The following PKD1L1 variants were observed in gnomAD, a reference collection of about 807,000 sequenced individuals.
The protein encoded by PKD1L1 is polycystin-1-like protein 1.
Under a neutral mutation model 323.4 loss-of-function variants are expected in PKD1L1, and 236 were observed. The observed-to-expected ratio is 0.73, with a 90% CI of 0.66 to 0.81. The LOEUF (loss-of-function observed/expected upper bound fraction) is 0.81. Ranked by LOEUF, PKD1L1 falls within the 40% of genes least tolerant of loss-of-function variation. The pLI is 0.00. For missense variants in PKD1L1, 3,320 were observed against 3,508.0 expected, an observed-to-expected ratio of 0.95 and a Z score of 1.35; for synonymous variants, 1,344 against 1,335.0, an observed-to-expected ratio of 1.01 and a Z score of -0.15.
At chr7:47,872,245 C>A (rs972929003) in intron 24 of PKD1L1, among the ~76,000 whole-genome samples, 1 of 152,164 alleles carries the variant, frequency 6.6e-6, no homozygotes, top group Non-Finnish European at 1.5e-5. Flanking sequence ...GGCACCAAAG[C>A]CATTGTCCCA....
intron 9 of PKD1L1, among the ~76,000 whole-genome samples, chr7:47,906,688 T>C (rs934477668): frequency 3.3e-5 from 5 of 152,170 alleles, no homozygotes; most frequent in Admixed American, 2.0e-4. Flanking sequence ...CTACTGTTCT[T>C]CTGCATAATT....
At chr7:47,862,319 G>C (rs555742036) in intron 26 of PKD1L1, among the ~76,000 whole-genome samples, 1 of 152,284 alleles carries the variant, frequency 6.6e-6, no homozygotes, top group Admixed American at 6.5e-5. Flanking sequence ...AGAGGTGAAT[G>C]ATGATGCCCT....
intron 12 of PKD1L1, among the ~76,000 whole-genome samples, chr7:47,903,140 G>T (rs1787127770): frequency 6.6e-6 from 1 of 152,164 alleles, no homozygotes; most frequent in Non-Finnish European, 1.5e-5. Context: ...TGGTTATTTT[G>T]CAAATGTTGC....
chr7:47,834,485 A>G, intron 39 of PKD1L1, 100 bp from the exon 40 acceptor site: 2 of 952,376 alleles, frequency 2.1e-6, no homozygotes, highest in Non-Finnish European at 3.3e-6. Flanking sequence ...TTTCTTCAGC[A>G]AATACTCTTC....
intron 8 of PKD1L1, among the ~76,000 whole-genome samples, chr7:47,911,671 T>C (rs181193681): frequency 4.5e-4 from 69 of 151,718 alleles, no homozygotes; most frequent in Non-Finnish European, 6.6e-4. Context: ...AACTAGGAGG[T>C]AGCTAGCATG....
At chr7:47,880,427 A>G (rs113469206) in intron 21 of PKD1L1, among the ~76,000 whole-genome samples, 50,372 of 144,598 alleles carry the variant, frequency 0.35, 10,182 homozygotes, top group African/African-American at 0.54. Context: ...GATTACAGGC[A>G]CCCGCCACCA....
intron 2 of PKD1L1, 102 bp from the exon 3 acceptor site, chr7:47,940,419 C>T: frequency 8.0e-7 from 1 of 1,244,456 alleles, no homozygotes; most frequent in Non-Finnish European, 1.1e-6. Context: ...AGGTCAAAGC[C>T]ACCTGGGCCT....
chr7:47,806,285 A>G (rs1032906322), intron 52 of PKD1L1, among the ~76,000 whole-genome samples: 1 of 152,346 alleles, frequency 6.6e-6, no homozygotes, highest in Admixed American at 6.5e-5. Context: ...CTGCTGGCCA[A>G]TCAGTGACTA....
intron 54 of PKD1L1, among the ~76,000 whole-genome samples, chr7:47,799,356 A>G (rs1289056168): frequency 1.3e-5 from 2 of 152,210 alleles, no homozygotes; most frequent in African/African-American, 2.4e-5. Flanking sequence ...AACATGAGCA[A>G]TCACTTTTAG....
rs1785635949 is a variant in PKD1L1, at chr7:47,845,048, T to C, written c.5184A>G (p.Leu1728=). Residue 1728 remains leucine (L), a synonymous_variant, in exon 33 of 57, where the codon CTA becomes CTG. Transcript: ENST00000289672. ...CAAAACTGGCCTTCAGCTTTCTCCTTAGGAGAGCGAATGCCGCGAGGCGAT... is the reference window on the plus strand; with the variant it reads ...CAAAACTGGCCTTCAGCTTTCTCCTCAGGAGAGCGAATGCCGCGAGGCGAT... ...SYHRLAAFAL[L]RRKLKASFEV... 1 of 1,613,884 alleles carries C rather than the reference T, an allele frequency of 6.2e-7. No individual in the cohort carries two copies. Among genetic ancestry groups the C allele is most frequent in the Non-Finnish European group, 8.5e-7 (1 of 1,179,932 alleles).
chr7:47,827,620 A>G lies in PKD1L1; in HGVS notation c.6736-152T>C. The G allele has an allele frequency of 8.1e-6, 5 of 620,296 alleles. No individual in the cohort carries two copies. The South Asian group carries it at 1.3e-4, about 16-fold the overall frequency. The allele number at this position is 620,296 out of a possible 1,614,324, so 38.4% of individuals were successfully genotyped here. On this transcript the variant is annotated intron_variant, in intron 44 of 56. Coordinates refer to ENST00000289672, the MANE Select transcript of PKD1L1 (RefSeq NM_138295.5). ...AAGAGGTACTTTGTATGGATAACAT[A>G]GACCAGGTTGTTGGGGAAGGGATCA...
intron 24 of PKD1L1, among the ~76,000 whole-genome samples, chr7:47,872,450 T>A (rs1025825465): frequency 6.6e-6 from 1 of 152,182 alleles, no homozygotes; most frequent in African/African-American, 2.4e-5. Context: ...ACATTCAGAC[T>A]AATGGAATAG....
In PKD1L1 at chr7:47,877,543, G is replaced by C; in HGVS notation, c.3609C>G (p.His1203Gln). ...AGACGGTGTGTGCTTCCAGACCATGGTGGGGCTGCACCTGACAGGCCATGT... is the reference window on the plus strand; with the variant it reads ...AGACGGTGTGTGCTTCCAGACCATGCTGGGGCTGCACCTGACAGGCCATGT... Reference protein sequence around the residue: ...PRDMACQVQPHHGLEAHTVFS... With the variant: ...PRDMACQVQPQHGLEAHTVFS... Residue 1203 changes from histidine (H) to glutamine (Q), a missense_variant, in exon 22 of 57, where the codon CAC (histidine) becomes CAG (glutamine). Physicochemically the swap from His to Gln is conservative, Grantham distance 24. Coordinates refer to ENST00000289672, the MANE Select transcript of PKD1L1 (RefSeq NM_138295.5). 1 of 1,614,028 alleles carries C rather than the reference G, an allele frequency of 6.2e-7. No individual in the cohort carries two copies. The highest frequency in any genetic ancestry group is 8.5e-7 in the Non-Finnish European group (1 of 1,179,968).
intron 52 of PKD1L1, among the ~76,000 whole-genome samples, chr7:47,807,897 T>G (rs1236436504): frequency 6.6e-6 from 1 of 152,158 alleles, no homozygotes; most frequent in East Asian, 1.9e-4. Context: ...GTCGCCAGAA[T>G]GAAGAGAGAA....
At chr7:47,838,333 C>T (rs1448861305) in intron 36 of PKD1L1, among the ~76,000 whole-genome samples, 5 of 152,184 alleles carry the variant, frequency 3.3e-5, no homozygotes, top group African/African-American at 7.2e-5. Context: ...CAAGGTCCGG[C>T]GACACTGGGG....
At chr7:47,890,020 G>A (rs1016540119) in intron 16 of PKD1L1, among the ~76,000 whole-genome samples, 2 of 152,214 alleles carry the variant, frequency 1.3e-5, no homozygotes, top group African/African-American at 2.4e-5. Context: ...ACACCCACTG[G>A]CGCTGTTCTG....
At chr7:47,794,231 T>A (rs866227819) in intron 55 of PKD1L1, among the ~76,000 whole-genome samples, 1 of 152,168 alleles carries the variant, frequency 6.6e-6, no homozygotes, top group African/African-American at 2.4e-5. Context: ...CGCCAAGTCA[T>A]GTCAGAGACC....
upstream of PKD1L1, among the ~76,000 whole-genome samples, chr7:47,950,561 T>A (rs1339516112): frequency 6.6e-6 from 1 of 152,162 alleles, no homozygotes; most frequent in East Asian, 1.9e-4. Context: ...TACAAAAAAA[T>A]TAGCCAGGTG....
Position 47,853,230 on chromosome 7 carries a change from A to G in PKD1L1, c.4860-3T>C, listed in dbSNP as rs1180634195. On this transcript the variant is annotated splice_region_variant and splice_polypyrimidine_tract_variant and intron_variant, in intron 30 of 56. Coordinates refer to ENST00000289672, the MANE Select transcript of PKD1L1 (RefSeq NM_138295.5). The stretch of plus-strand genomic sequence containing the variant: ...AGGGAGTAGGTTTCTCAGAGAATCT[A>G]GGAGATAAAAACAAAATAGGGATTT... 1 of 1,592,380 alleles carries G rather than the reference A, an allele frequency of 6.3e-7. No individual in the cohort carries two copies. Among genetic ancestry groups the G allele is most frequent in the South Asian group, 1.1e-5 (1 of 90,386 alleles).
Sources: gnomAD v4.1 joint callset for allele counts (sites outside exome capture counted in the v4.1 genomes callset) on GRCh38, gnomAD v4.1.1 for gene constraint, MANE v1.5 for transcripts, NCBI Gene and HGNC (gene_info 2026-07-23, HGNC 2026-07-21) for gene names.